PGBD2: variants seen among roughly 807,000 people sequenced by gnomAD.
PGBD2 encodes the protein piggyBac transposable element derived 2, also known as piggyBac transposable element-derived protein 2.
A neutral mutation model predicts 8.1 loss-of-function variants in PGBD2; 6 were observed. The ratio of observed to expected loss-of-function variants is 0.74; its 90% CI spans 0.40 to 1.46. The LOEUF (loss-of-function observed/expected upper bound fraction) is 1.46. Ranked by LOEUF, PGBD2 falls within the 40% of genes most tolerant of loss-of-function variation. PGBD2 has a pLI of 0.02. For missense variants in PGBD2, 802 were observed against 739.0 expected (o/e 1.09, Z -0.99); for synonymous variants, 318 against 272.2 (o/e 1.17, Z -1.66).
At chr1:248,874,335 A>G in the PGBD2 span, among the ~76,000 whole-genome samples, 2 of 152,172 alleles carry the variant, frequency 1.3e-5, no homozygotes, top group Non-Finnish European at 2.9e-5. Flanking sequence ...CCGTTTTAAA[A>G]ACTGTTGCCG....
chr1:248,892,295 C>CTTCT, the PGBD2 span, among the ~76,000 whole-genome samples: 9 of 135,136 alleles, frequency 6.7e-5, no homozygotes, highest in East Asian at 2.3e-3. Flanking sequence ...TCCTTCCTTC[C>CTTCT]TTCCCTTCCT....
At chr1:248,905,687 T>C (rs760972500), upstream of PGBD2, among the ~76,000 whole-genome samples, 2 of 152,230 alleles carry the variant, frequency 1.3e-5, no homozygotes, top group Non-Finnish European at 2.9e-5. Context: ...TCCGTGACCC[T>C]GCCTCCTATA....
chr1:248,875,329 G>A, the PGBD2 span, among the ~76,000 whole-genome samples: 6,336 of 120,474 alleles, frequency 0.053, 376 homozygotes, highest in African/African-American at 0.17. Flanking sequence ...AAAAAAAAAA[G>A]AAAAGAAAAA....
At position 248,917,752 on chromosome 1, in the gene PGBD2, C is replaced by T; in HGVS notation, c.1168C>T (p.Leu390=). 1 of 1,614,044 alleles carries T rather than the reference C, an allele frequency of 6.2e-7. No individual in the cohort carries two copies. ...ATGTCCCCTAAAAGACCCCAAAGAA[C>T]TGAAAAAAATGAAGAGGGGTTCATT... The part of the protein sequence containing the change: ...ERCPLKDPKE[L]KKMKRGSFDY... Residue 390 remains leucine (L), a synonymous_variant, in exon 3 of 3, where the codon CTG becomes TTG. Transcript: ENST00000329291.
chr1:248,895,881 T>A, the PGBD2 span, among the ~76,000 whole-genome samples: 1 of 151,600 alleles, frequency 6.6e-6, no homozygotes, highest in Non-Finnish European at 1.5e-5. Context: ...AGAGACAGGG[T>A]TTCACCATGT....
At chr1:248,877,373 T>A in the PGBD2 span, among the ~76,000 whole-genome samples, 2 of 152,238 alleles carry the variant, frequency 1.3e-5, no homozygotes, top group African/African-American at 4.8e-5. Context: ...CGTGGCTCAC[T>A]GCAGCCTTGA....
the PGBD2 span, among the ~76,000 whole-genome samples, chr1:248,877,585 G>C: frequency 6.6e-4 from 101 of 152,224 alleles, 1 homozygote; most frequent in African/African-American, 2.3e-3. Flanking sequence ...GGTTATGGGA[G>C]GGGGAGAAGA....
chr1:248,911,209 A>C (rs979184911), intron 1 of PGBD2, among the ~76,000 whole-genome samples: 6 of 151,652 alleles, frequency 4.0e-5, no homozygotes, highest in Admixed American at 3.9e-4. Flanking sequence ...AGGGAAGGTC[A>C]GCAGATAAAC....
At chr1:248,924,963 G>T in the PGBD2 span, among the ~76,000 whole-genome samples, 6 of 152,154 alleles carry the variant, frequency 3.9e-5, no homozygotes, top group African/African-American at 1.4e-4. Flanking sequence ...AGTGAAAGAT[G>T]TAAAAAATAC....
chr1:248,900,847 G>A, the PGBD2 span, among the ~76,000 whole-genome samples: 1 of 152,120 alleles, frequency 6.6e-6, no homozygotes, highest in Non-Finnish European at 1.5e-5. Context: ...AAACCCCATT[G>A]GGTCAGCCCA....
the PGBD2 span, among the ~76,000 whole-genome samples, chr1:248,893,956 A>T: frequency 1.3e-5 from 2 of 152,150 alleles, no homozygotes; most frequent in Non-Finnish European, 2.9e-5. Flanking sequence ...CAGGTATGAG[A>T]TGATATTTCA....
the PGBD2 span, among the ~76,000 whole-genome samples, chr1:248,895,011 T>C: frequency 6.6e-6 from 1 of 152,060 alleles, no homozygotes; most frequent in Non-Finnish European, 1.5e-5. Context: ...TGCTATGTTG[T>C]CCAGGCTGGT....
At chr1:248,896,816 C>A in the PGBD2 span, among the ~76,000 whole-genome samples, 1 of 152,206 alleles carries the variant, frequency 6.6e-6, no homozygotes, top group Admixed American at 6.5e-5. Context: ...GGGGCGACAG[C>A]CCACCTGGGA....
chr1:248,908,178 T>A (rs1360821900), intron 1 of PGBD2, among the ~76,000 whole-genome samples: 3 of 152,206 alleles, frequency 2.0e-5, no homozygotes, highest in African/African-American at 7.2e-5. Flanking sequence ...CATTTAGTTG[T>A]CCTGTCTTTC....
At chr1:248,905,622 G>A (rs1384119631), upstream of PGBD2, among the ~76,000 whole-genome samples, 1 of 152,178 alleles carries the variant, frequency 6.6e-6, no homozygotes. Context: ...CCAGTTAAAT[G>A]TGAATCTTAG....
At chr1:248,899,580 G>A in the PGBD2 span, among the ~76,000 whole-genome samples, 1 of 152,064 alleles carries the variant, frequency 6.6e-6, no homozygotes, top group Non-Finnish European at 1.5e-5. Context: ...TCTCTGGAAT[G>A]CAGCGAAAGC....
the PGBD2 span, among the ~76,000 whole-genome samples, chr1:248,928,826 C>A: frequency 6.6e-6 from 1 of 152,168 alleles, no homozygotes; most frequent in East Asian, 1.9e-4. Context: ...CTTTTCGCAC[C>A]TTAAATCTGT....
At position 248,916,779 on chromosome 1, in the gene PGBD2, G is replaced by A; in HGVS notation, c.195G>A (p.Gln65=). The A allele has an allele frequency of 6.2e-7, 1 of 1,614,212 alleles. No homozygotes were observed. The highest frequency in any genetic ancestry group is 1.3e-5 in the African/African-American group (1 of 75,042). Residue 65 remains glutamine, a synonymous_variant, in exon 3 of 3, where the codon CAG becomes CAA. Coordinates refer to ENST00000329291, the MANE Select transcript of PGBD2 (RefSeq NM_170725.3). The stretch of plus-strand genomic sequence containing the variant: ...AGGACTCAGGGGATGAAGACAGCCA[G>A]CGAGGTGCTCACCTACCTGGCAGTG... ...TDEDSGDEDS[Q]RGAHLPGSVL...
At chr1:248,874,364 A>G in the PGBD2 span, among the ~76,000 whole-genome samples, 7 of 152,318 alleles carry the variant, frequency 4.6e-5, no homozygotes, top group East Asian at 9.6e-4. Flanking sequence ...ACCATAGGTG[A>G]TGTTCCCAGA....
Sources: gnomAD v4.1 joint callset for allele counts (sites outside exome capture counted in the v4.1 genomes callset) on GRCh38, gnomAD v4.1.1 for gene constraint, MANE v1.5 for transcripts, NCBI Gene and HGNC (gene_info 2026-07-23, HGNC 2026-07-21) for gene names.